The following OPA3 variants were observed in gnomAD, a reference collection of about 807,000 sequenced individuals.
The protein encoded by OPA3 is optic atrophy 3 protein.
Under a neutral mutation model 4.0 loss-of-function variants are expected in OPA3, and 6 were observed. The observed-to-expected ratio is 1.51, with a 90% CI of 0.83 to 2.99. The LOEUF is 2.99. Ranked by LOEUF, OPA3 falls within the 30% of genes most tolerant of loss-of-function variation. The pLI is 0.00. For missense variants in OPA3, 235 were observed against 256.2 expected, an observed-to-expected ratio of 0.92 and a Z score of 0.56; for synonymous variants, 105 against 117.1, an observed-to-expected ratio of 0.90 and a Z score of 0.67.
chr19:45,555,861 G>A (rs189693190), intron 1 of OPA3, among the ~76,000 whole-genome samples: 99 of 151,762 alleles, frequency 6.5e-4, no homozygotes, highest in African/African-American at 2.2e-3. Context: ...TGAACTCCTG[G>A]GCTCAAGTGA....
chr19:45,549,978 A>C lies in OPA3; in HGVS notation c.*3536T>G. The C allele has an allele frequency of 2.9e-6, 2 of 682,806 alleles. No individual in the cohort carries two copies. Among genetic ancestry groups the C allele is most frequent in the Non-Finnish European group, 3.6e-6 (2 of 553,428 alleles). The allele number at this position is 682,806 out of a possible 1,614,324, so 42.3% of individuals were successfully genotyped here. A position where few individuals can be genotyped will look rare whatever the true frequency, so the allele number is the denominator to read the frequency against. On this transcript the variant is annotated 3_prime_UTR_variant, in exon 2 of 2. Coordinates refer to ENST00000263275, the MANE Select transcript of OPA3 (RefSeq NM_025136.4). ...TTCAAGATCAGCCTGGGCAACTTGG[A>C]GAAACCCCGTCTCCACTAAAATACA...
At chr19:45,536,972 C>T (rs1052163477) in intron 1 of OPA3, among the ~76,000 whole-genome samples, 1 of 152,030 alleles carries the variant, frequency 6.6e-6, no homozygotes, top group Non-Finnish European at 1.5e-5. Flanking sequence ...TGGCTCATGC[C>T]TATAAACTGT....
At chr19:45,533,837 T>C (rs1267546683) in intron 1 of OPA3, among the ~76,000 whole-genome samples, 1 of 152,158 alleles carries the variant, frequency 6.6e-6, no homozygotes, top group Non-Finnish European at 1.5e-5. Flanking sequence ...TCCATGCTTC[T>C]CCCCGAAAGA....
chr19:45,530,927 CTTTTT>C (rs71173176), intron 1 of OPA3, among the ~76,000 whole-genome samples: 21 of 35,434 alleles, frequency 5.9e-4, no homozygotes, highest in African/African-American at 1.8e-3. Flanking sequence ...ATGTCACCTA[CTTTTT>C]TTTTTTTTTT....
At chr19:45,528,957 C>A in exon 2 of OPA3, 1 of 1,419,126 alleles carries the variant, frequency 7.0e-7, no homozygotes. Context: ...GTGGTGTCAG[C>A]TGGGCCGGTC....
exon 2 of OPA3, chr19:45,529,361 C>G: frequency 6.2e-7 from 1 of 1,614,212 alleles, no homozygotes; most frequent in Non-Finnish European, 8.5e-7. Flanking sequence ...AGCTCCGCGC[C>G]CAGCTCGGCG....
intron 1 of OPA3, among the ~76,000 whole-genome samples, chr19:45,558,289 G>A (rs1969450722): frequency 6.6e-6 from 1 of 151,926 alleles, no homozygotes. Context: ...CCAAGACCAC[G>A]CCACTGCACT....
At position 45,546,459 on chromosome 19, in the gene OPA3, T is replaced by C. The variant is rs1969250080; in HGVS notation, c.*7055A>G. ...TTTTAAAATACATAGAATTGTAAAT[T>C]ATTGTATAAATATGCACACGATGGA... On this transcript the variant is annotated 3_prime_UTR_variant, in exon 2 of 2. Transcript: ENST00000263275. 1 of 626,022 alleles carries C rather than the reference T, an allele frequency of 1.6e-6. No individual in the cohort carries two copies. The highest frequency in any genetic ancestry group is 7.3e-5 in the South Asian group (1 of 13,654). The allele number at this position is 626,022 out of a possible 1,614,324, so 38.8% of individuals were successfully genotyped here. A position where few individuals can be genotyped will look rare whatever the true frequency, so the allele number is the denominator to read the frequency against.
Position 45,547,737 on chromosome 19 carries a change from G to C in OPA3, c.*5777C>G, listed in dbSNP as rs1213999895. On this transcript the variant is annotated 3_prime_UTR_variant, in exon 2 of 2. Transcript: ENST00000263275. ...TTTGAGATGGAGTCTCGTTCTTGTT[G>C]CCCAGGCTGGAGTGCAATGGTGCAA... 6.6e-6 allele frequency: 1 copy of C among 151,736 alleles called. No individual in the cohort carries two copies. Among genetic ancestry groups the C allele is most frequent in the Non-Finnish European group, 1.5e-5 (1 of 68,144 alleles). The allele number at this position is 151,736 out of a possible 1,614,324, so 9.4% of individuals were successfully genotyped here.
Position 45,553,860 on chromosome 19 carries a change from C to G in OPA3, c.194G>C (p.Gly65Ala), listed in dbSNP as rs144382886. 3 of 1,611,490 alleles carry G rather than the reference C, an allele frequency of 1.9e-6. No homozygotes were observed. Among genetic ancestry groups the G allele is most frequent in the South Asian group, 1.1e-5 (1 of 91,004 alleles). The stretch of plus-strand genomic sequence containing the variant: ...CTCGTTCAGCGGCTTGATGACCGTG[C>G]CCCGGAAGCCCATGATGCGCATCTT... Reference protein sequence around the residue: ...RTKMRIMGFRGTVIKPLNEEA... With the variant: ...RTKMRIMGFRATVIKPLNEEA... The change falls in exon 2 of 2, where the codon GGC (glycine) becomes GCC (alanine). Residue 65 changes from glycine to alanine, a missense_variant. By Grantham distance (60) the Gly-to-Ala change is moderately conservative. Transcript: ENST00000263275.
chr19:45,553,823 A>G lies in OPA3; in HGVS notation c.231T>C (p.Ala77=), dbSNP rs3826860. The G allele has an allele frequency of 0.66, 1,071,293 of 1,612,564 alleles. 359,236 individuals carry two copies. Among genetic ancestry groups the G allele is most frequent in the East Asian group, 0.84 (37,804 of 44,848 alleles). Reference sequence around the variant, plus strand: ...CGCCCAGCAGCTCTGCGCCCAGCTCAGCTGCCGCCTCCTCGTTCAGCGGCT... The same window carrying G: ...CGCCCAGCAGCTCTGCGCCCAGCTCGGCTGCCGCCTCCTCGTTCAGCGGCT... ...VIKPLNEEAA[A]ELGAELLGEA... The change falls in exon 2 of 2, where the codon GCT becomes GCC. Residue 77 remains alanine, a synonymous_variant. Transcript: ENST00000263275.
rs112654759 is a variant in OPA3 at position 45,552,937 on chromosome 19, A to G, written c.*577T>C. 39,040 of 967,504 alleles carry G rather than the reference A, an allele frequency of 0.04. 1,042 individuals carry two copies. The highest frequency in any genetic ancestry group is 0.12 in the East Asian group (1,084 of 8,740). The allele number at this position is 967,504 out of a possible 1,614,324, so 59.9% of individuals were successfully genotyped here. On this transcript the variant is annotated 3_prime_UTR_variant, in exon 2 of 2. Coordinates refer to ENST00000263275, the MANE Select transcript of OPA3 (RefSeq NM_025136.4). ...GTGATCCGCCCGCCTCGGCCTCCCA[A>G]GGTGCTAGGATTACAGGCGTGAGCC...
intron 1 of OPA3, among the ~76,000 whole-genome samples, chr19:45,565,586 T>C: frequency 6.6e-6 from 1 of 152,176 alleles, no homozygotes; most frequent in East Asian, 1.9e-4. Context: ...GCTGAGATCA[T>C]GCCATTGCAC....
In OPA3 at chr19:45,583,974, C is replaced by T. The variant is rs550209150; in HGVS notation, c.142+649G>A. On this transcript the variant is annotated intron_variant, in intron 1 of 1. Transcript: ENST00000263275. ...CTCCCAGTGCTGAGCAAAAAGGCCG[C>T]ATAGTCTGTCAACCGAATGAAAGGA... Among the ~76,000 whole-genome samples the T allele has an allele frequency of 4.8e-4, 73 of 152,326 alleles. 1 individual carries two copies. The highest frequency in any genetic ancestry group is 3.4e-3 in the Middle Eastern group (1 of 294).
At chr19:45,579,739 C>T (rs571559281) in intron 1 of OPA3, among the ~76,000 whole-genome samples, 1 of 151,752 alleles carries the variant, frequency 6.6e-6, no homozygotes, top group Non-Finnish European at 1.5e-5. Context: ...AGTATATACA[C>T]AAAATAATAA....
At chr19:45,540,567 A>G (rs1311224208) in intron 1 of OPA3, among the ~76,000 whole-genome samples, 2 of 53,594 alleles carry the variant, frequency 3.7e-5, no homozygotes, top group South Asian at 6.3e-4. Flanking sequence ...TCTCAGAAAG[A>G]AAAAAAAAAA....
chr19:45,535,809 G>C (rs531176293), intron 1 of OPA3, among the ~76,000 whole-genome samples: 2 of 139,258 alleles, frequency 1.4e-5, no homozygotes, highest in South Asian at 4.5e-4. Context: ...CTGTCACCCA[G>C]GCTGGAGTGC....
rs767889585 is a variant in OPA3, at chr19:45,553,771, C to A, written c.283G>T (p.Gly95Cys). 2 of 1,612,858 alleles carry A rather than the reference C, an allele frequency of 1.2e-6. No homozygotes were observed. Among genetic ancestry groups the A allele is most frequent in the East Asian group, 2.2e-5 (1 of 44,870 alleles). The change falls in exon 2 of 2, where the codon GGC becomes TGC. Residue 95 changes from glycine to cysteine, a missense_variant. By Grantham distance (159) the Gly-to-Cys change is radical. Coordinates refer to ENST00000263275, the MANE Select transcript of OPA3 (RefSeq NM_025136.4). ...CGCCAGTACTCCAGCACTAGGCAGC[C>A]GCCGCCCACGATGAAGATGGTGGCT... ...GEATIFIVGG[G>C]CLVLEYWRHQ... is the part of the protein sequence containing the mutation.
In OPA3 at chr19:45,553,098, CAAAAAGAAGAAGGTGTTCCAGTGTA is replaced by C; in HGVS notation, c.*391_*415del. On this transcript the variant is annotated 3_prime_UTR_variant, in exon 2 of 2. Transcript: ENST00000263275. The stretch of plus-strand genomic sequence containing the variant: ...CCTTACAGTGGTCTGTGCCGATTGA[CAAAAAGAAGAAGGTGTTCCAGTGTA>C]ACAGATGAGTGTCCCAGTAAAGGTT... The C allele has an allele frequency of 8.9e-7, 1 of 1,126,406 alleles. No homozygotes were observed. The highest frequency in any genetic ancestry group is 4.6e-5 in the Admixed American group (1 of 21,680). 69.8% of individuals were successfully genotyped at this position (1,126,406 alleles called of 1,614,324 possible). A position where few individuals can be genotyped will look rare whatever the true frequency, so the allele number is the denominator to read the frequency against.
Sources: allele counts gnomAD v4.1 joint callset (sites outside exome capture counted in the v4.1 genomes callset), GRCh38; gene constraint gnomAD v4.1.1; transcripts MANE v1.5; gene names NCBI Gene and HGNC (gene_info 2026-07-23, HGNC 2026-07-21).